The following MTMR8 variants were observed in gnomAD, a reference collection of about 807,000 sequenced individuals.
MTMR8 encodes phosphatidylinositol-3,5-bisphosphate 3-phosphatase MTMR8.
Under a neutral mutation model 39.3 loss-of-function variants are expected in MTMR8, and 65 were observed. The ratio of observed to expected loss-of-function variants is 1.65; its 90% CI spans 1.35 to 2.03. MTMR8 has a LOEUF of 2.03. MTMR8 is among the 30% of genes most tolerant of loss of function. The probability of loss-of-function intolerance (pLI) is 0.00; values close to 1 mark genes in which losing one functional copy is unlikely to be tolerated. For missense variants in MTMR8, 777 were observed against 538.9 expected (o/e 1.44, Z -4.37); for synonymous variants, 245 against 185.2 (o/e 1.32, Z -2.62).
chrX:64,332,157 G>C lies in MTMR8; in HGVS notation c.1152-400C>G, dbSNP rs766118517. ...AATTTTAATTAATTTAATTTAAATA[G>C]CTACATTTAGCTCTATGTGAGCAAC... is the stretch of plus-strand genomic sequence containing the variant. On this transcript the variant is annotated intron_variant, in intron 10 of 13. Coordinates refer to ENST00000374852, the MANE Select transcript of MTMR8 (RefSeq NM_017677.4). Among the ~76,000 whole-genome samples the C allele has an allele frequency of 2.7e-5, 3 of 112,030 alleles. No individual in the cohort carries two copies. The South Asian group carries it at 1.1e-3, about 42-fold the overall frequency.
intron 12 of MTMR8, among the ~76,000 whole-genome samples, chrX:64,312,580 C>T (rs1284396341): frequency 8.9e-6 from 1 of 112,280 alleles, no homozygotes; most frequent in Non-Finnish European, 1.9e-5. Flanking sequence ...TAGAAAACCC[C>T]ATTGTCTCCG....
chrX:64,292,867 G>A (rs1043935819), intron 12 of MTMR8, among the ~76,000 whole-genome samples: 1 of 111,340 alleles, frequency 9.0e-6, no homozygotes, highest in Non-Finnish European at 1.9e-5. Flanking sequence ...AAAGTATCCC[G>A]CATAATAAGC....
At chrX:64,363,959 C>G (rs1392881768) in intron 1 of MTMR8, among the ~76,000 whole-genome samples, 1 of 112,534 alleles carries the variant, frequency 8.9e-6, no homozygotes, top group Non-Finnish European at 1.9e-5. Context: ...CTCAGTGGGT[C>G]CCACGCCCAC....
rs1364803072 is a variant in MTMR8 at position 64,348,753 on chromosome X, G to A, written c.639C>T (p.Tyr213=). 1 of 1,210,923 alleles carries A rather than the reference G, an allele frequency of 8.3e-7. No individual in the cohort carries two copies. Residue 213 remains tyrosine, a synonymous_variant, in exon 6 of 14, where the codon TAC becomes TAT. Coordinates refer to ENST00000374852, the MANE Select transcript of MTMR8 (RefSeq NM_017677.4). ...CRCSQPLSGF[Y]TRCVDDELLL... is the part of the protein sequence containing the mutation. ...AGAGCTCATCATCTACACAGCGAGT[G>A]TAAAATCCAGAGAGAGGCTGGCTAC...
intron 8 of MTMR8, among the ~76,000 whole-genome samples, chrX:64,340,620 T>TA (rs1291636112): frequency 2.7e-5 from 3 of 111,218 alleles, no homozygotes; most frequent in Non-Finnish European, 5.7e-5. Context: ...AGGTTTCAGG[T>TA]AAAAAAGGAG....
At chrX:64,277,582 G>T (rs909856994) in intron 12 of MTMR8, among the ~76,000 whole-genome samples, 2 of 112,080 alleles carry the variant, frequency 1.8e-5, no homozygotes, top group African/African-American at 3.2e-5. Context: ...CTCTCTTCTG[G>T]TTTGTAGGGT....
chrX:64,334,015 C>T (rs1203753727), intron 10 of MTMR8, among the ~76,000 whole-genome samples: 1 of 111,557 alleles, frequency 9.0e-6, no homozygotes, highest in African/African-American at 3.3e-5. Flanking sequence ...TGTCCCACCC[C>T]TTGGCTCTTC....
intron 1 of MTMR8, chrX:64,360,506 C>CA: frequency 7.1e-6 from 1 of 140,959 alleles, no homozygotes; most frequent in Non-Finnish European, 1.4e-5. Flanking sequence ...ACATTCAAGA[C>CA]AACAAAAAAA....
At chrX:64,379,464 C>T (rs775602221) in intron 1 of MTMR8, among the ~76,000 whole-genome samples, 4 of 111,739 alleles carry the variant, frequency 3.6e-5, no homozygotes, top group Non-Finnish European at 7.5e-5. Flanking sequence ...TTTATTACCT[C>T]ACAGTTCTGA....
intron 12 of MTMR8, among the ~76,000 whole-genome samples, chrX:64,296,367 T>A (rs924526849): frequency 9.0e-6 from 1 of 111,132 alleles, no homozygotes; most frequent in African/African-American, 3.3e-5. Context: ...TTTGGGATGA[T>A]GAAAGAGTTC....
intron 1 of MTMR8, among the ~76,000 whole-genome samples, chrX:64,391,257 T>G (rs1924682638): frequency 8.9e-6 from 1 of 112,402 alleles, no homozygotes; most frequent in Admixed American, 9.4e-5. Context: ...ATGTAGAAAT[T>G]ACTTTTTTTG....
In MTMR8 at chrX:64,286,009, A is replaced by G. The variant is rs201461968; in HGVS notation, c.1482-14936T>C. On this transcript the variant is annotated intron_variant, in intron 12 of 13. Transcript: ENST00000374852. ...AATGAAGGACACAGAGACACAAAAA[A>G]CTCTTCAAAAAATCAATGAATCCAG... Among the ~76,000 whole-genome samples, 9 of 111,802 alleles carry G rather than the reference A, an allele frequency of 8.0e-5. No individual in the cohort carries two copies. In the East Asian group the frequency reaches 1.7e-3, roughly 21 times the overall value.
At chrX:64,385,677 G>C (rs1416053760) in intron 1 of MTMR8, among the ~76,000 whole-genome samples, 1 of 111,199 alleles carries the variant, frequency 9.0e-6, no homozygotes, top group East Asian at 2.8e-4. Flanking sequence ...GCAAGAGCAA[G>C]GGTAGGCGGT....
In MTMR8 at chrX:64,269,178, C is replaced by A; in HGVS notation, c.1609-135G>T. On this transcript the variant is annotated intron_variant, in intron 13 of 13. Transcript: ENST00000374852. ...AATGACCTTTTGCTCACCCCCTCCCCCACAACATCTTTCCCTCATCACATG... is the reference window on the plus strand; with the variant it reads ...AATGACCTTTTGCTCACCCCCTCCCACACAACATCTTTCCCTCATCACATG... 1.7e-5 allele frequency: 10 copies of A among 584,418 alleles called. No individual in the cohort carries two copies. The South Asian group carries it at 3.1e-4, about 18-fold the overall frequency. 48.2% of individuals were successfully genotyped at this position (584,418 alleles called of 1,213,427 possible). A position where few individuals can be genotyped will look rare whatever the true frequency, so the allele number is the denominator to read the frequency against.
chrX:64,270,549 G>T (rs1931737304), intron 13 of MTMR8, among the ~76,000 whole-genome samples: 1 of 112,248 alleles, frequency 8.9e-6, no homozygotes, highest in Non-Finnish European at 1.9e-5. Flanking sequence ...AAGGAAATAA[G>T]AATCTTCTTT....
At chrX:64,372,374 G>A (rs1365728727) in intron 1 of MTMR8, among the ~76,000 whole-genome samples, 2 of 110,482 alleles carry the variant, frequency 1.8e-5, no homozygotes, top group African/African-American at 6.6e-5. Flanking sequence ...TGTGTGTATG[G>A]CTATATGCAA....
intron 12 of MTMR8, among the ~76,000 whole-genome samples, chrX:64,309,076 T>A (rs1335744093): frequency 8.9e-6 from 1 of 112,130 alleles, no homozygotes. Context: ...TGATTCAATA[T>A]TGTGTTGGCT....
At chrX:64,362,246 C>A (rs1923800494) in intron 1 of MTMR8, among the ~76,000 whole-genome samples, 2 of 106,345 alleles carry the variant, frequency 1.9e-5, no homozygotes, top group African/African-American at 3.4e-5. Flanking sequence ...GGCAATTATC[C>A]CTCAATCTAT....
At chrX:64,299,885 C>A (rs1201866499) in intron 12 of MTMR8, among the ~76,000 whole-genome samples, 1 of 82,201 alleles carries the variant, frequency 1.2e-5, no homozygotes, top group Non-Finnish European at 2.3e-5. Flanking sequence ...TGTAGTTGAG[C>A]GGCTTTGAGT....
Sources: gnomAD v4.1 joint callset for allele counts (sites outside exome capture counted in the v4.1 genomes callset) on GRCh38, gnomAD v4.1.1 for gene constraint, MANE v1.5 for transcripts, NCBI Gene and HGNC (gene_info 2026-07-23, HGNC 2026-07-21) for gene names.